Variants in TDRD3 observed in about 807,000 individuals in gnomAD.
The protein encoded by TDRD3 is tudor domain containing 3.
Under a neutral mutation model 86.7 loss-of-function variants are expected in TDRD3, and 45 were observed. The observed-to-expected ratio is 0.52, with a 90% CI of 0.41 to 0.67. The LOEUF is 0.67. Among genes scored for constraint, TDRD3 ranks in the 30% least tolerant of loss-of-function variants. The pLI is 0.00. For synonymous variants in TDRD3, 298 were observed against 301.7 expected, an observed-to-expected ratio of 0.99 and a Z score of 0.13; for missense variants, 814 against 889.0, an observed-to-expected ratio of 0.92 and a Z score of 1.07.
intron 5 of TDRD3, among the ~76,000 whole-genome samples, chr13:60,472,340 T>C (rs1956090451): frequency 6.6e-6 from 1 of 152,190 alleles, no homozygotes; most frequent in East Asian, 1.9e-4. Context: ...TAACGTAAAA[T>C]TTACCATCTT....
intron 12 of TDRD3, chr13:60,537,429 T>C (rs1957722033): frequency 2.0e-5 from 3 of 152,066 alleles, no homozygotes; most frequent in African/African-American, 7.2e-5. Flanking sequence ...TGAAGAAATA[T>C]AGTCTGTGTT....
intron 1 of TDRD3, among the ~76,000 whole-genome samples, chr13:60,414,473 G>C (rs142892490): frequency 6.6e-6 from 1 of 152,168 alleles, no homozygotes; most frequent in African/African-American, 2.4e-5. Context: ...GGAAAAGTTA[G>C]CCAATCTCTG....
In TDRD3 at chr13:60,528,714, A is replaced by T. The variant is rs563004285; in HGVS notation, c.1489A>T (p.Lys497Ter). The T allele has an allele frequency of 6.2e-7, 1 of 1,611,574 alleles. No individual in the cohort carries two copies. The highest frequency in any genetic ancestry group is 1.3e-5 in the African/African-American group (1 of 74,838). Residue 497 changes from lysine (K) to a stop codon, truncating the protein, a stop_gained, in exon 11 of 14, where the codon AAA (lysine) becomes TAA (stop). Transcript: ENST00000377881. LOFTEE classifies it high-confidence loss of function. ...LGSQHSDGAFKKRDNSMQSRS... is the reference protein window; with the variant it reads ...LGSQHSDGAF The stretch of plus-strand genomic sequence containing the variant: ...TTCTCAGCATAGTGATGGTGCTTTT[A>T]AAAAAAGAGATAACTCTATGCAAAG...
At chr13:60,504,805 G>A (rs1956900953) in intron 8 of TDRD3, among the ~76,000 whole-genome samples, 1 of 152,158 alleles carries the variant, frequency 6.6e-6, no homozygotes, top group Non-Finnish European at 1.5e-5. Flanking sequence ...GAAGCAGAGT[G>A]GGGCGTTGCC....
At chr13:60,397,162 C>T (rs1014531545), upstream of TDRD3, 1 of 408,280 alleles carries the variant, frequency 2.4e-6, no homozygotes, top group African/African-American at 2.1e-5. Flanking sequence ...CCAGGCCGGC[C>T]CCTACGGCCG....
chr13:60,488,096 G>A (rs994615831), intron 7 of TDRD3, among the ~76,000 whole-genome samples: 3 of 152,114 alleles, frequency 2.0e-5, no homozygotes, highest in Non-Finnish European at 2.9e-5. Context: ...AATGAGTGTT[G>A]CCAGGAAAGA....
At chr13:60,449,040 T>C (rs1053519544) in intron 3 of TDRD3, among the ~76,000 whole-genome samples, 1 of 152,064 alleles carries the variant, frequency 6.6e-6, no homozygotes, top group Non-Finnish European at 1.5e-5. Context: ...TAAGACCTAA[T>C]TTTCCCAAGT....
At chr13:60,573,585 A>G (rs1958636216) in intron 13 of TDRD3, 31 bp from the exon 14 acceptor site, 2 of 984,980 alleles carry the variant, frequency 2.0e-6, no homozygotes, top group South Asian at 4.7e-5. Context: ...TGAGGCTTCA[A>G]TTTCATTTTC....
intron 1 of TDRD3, among the ~76,000 whole-genome samples, chr13:60,418,068 C>G (rs2137856656): frequency 6.6e-6 from 1 of 152,198 alleles, no homozygotes; most frequent in Non-Finnish European, 1.5e-5. Flanking sequence ...ATCTTTAGAT[C>G]TTTTGTCACC....
chr13:60,571,583 G>A (rs1299214228), intron 13 of TDRD3, among the ~76,000 whole-genome samples: 2 of 152,122 alleles, frequency 1.3e-5, no homozygotes, highest in Non-Finnish European at 2.9e-5. Flanking sequence ...TTTATGTTTT[G>A]AGTACTTCAC....
chr13:60,416,337 A>G (rs139730942), intron 1 of TDRD3, among the ~76,000 whole-genome samples: 47 of 152,242 alleles, frequency 3.1e-4, no homozygotes, highest in African/African-American at 1.1e-3. Context: ...AACAGTGATT[A>G]TTGAAAGATG....
intron 1 of TDRD3, among the ~76,000 whole-genome samples, chr13:60,415,944 CTGGT>C (rs1398119813): frequency 6.6e-6 from 1 of 152,172 alleles, no homozygotes; most frequent in Non-Finnish European, 1.5e-5. Context: ...AGGGAGAACT[CTGGT>C]TGGCCGTCAG....
chr13:60,444,755 A>G lies in TDRD3; in HGVS notation c.192+7A>G. 2 of 1,423,698 alleles carry G rather than the reference A, an allele frequency of 1.4e-6. No individual in the cohort carries two copies. The highest frequency in any genetic ancestry group is 1.4e-5 in the South Asian group (1 of 69,980). 88.2% of individuals were successfully genotyped at this position (1,423,698 alleles called of 1,614,324 possible). On this transcript the variant is annotated splice_region_variant and intron_variant, in intron 3 of 13. Coordinates refer to ENST00000377881, the MANE Select transcript of TDRD3 (RefSeq NM_001146070.2). ...TAGTGGAAAGGTAGAAAAGGTAAAG[A>G]AAATCAATAACTTCTTACATTAATT...
chr13:60,482,046 A>G (rs1190645278), intron 5 of TDRD3, among the ~76,000 whole-genome samples: 1 of 152,136 alleles, frequency 6.6e-6, no homozygotes, highest in Non-Finnish European at 1.5e-5. Context: ...GCATGGTCTG[A>G]TCTGGCTGGA....
At chr13:60,558,645 T>G (rs1958257798) in intron 12 of TDRD3, among the ~76,000 whole-genome samples, 1 of 152,204 alleles carries the variant, frequency 6.6e-6, no homozygotes, top group African/African-American at 2.4e-5. Context: ...GTTAATTTAT[T>G]TTTTGCTTTA....
chr13:60,512,127 C>T (rs919679675), intron 10 of TDRD3, among the ~76,000 whole-genome samples: 1 of 152,104 alleles, frequency 6.6e-6, no homozygotes, highest in Non-Finnish European at 1.5e-5. Context: ...CTGGGGAAGC[C>T]TCACAATCAC....
chr13:60,449,569 C>T (rs1365438793), intron 3 of TDRD3, among the ~76,000 whole-genome samples: 2 of 152,032 alleles, frequency 1.3e-5, no homozygotes, highest in Non-Finnish European at 2.9e-5. Flanking sequence ...GCTATAATTA[C>T]TTTGTGATTG....
chr13:60,448,258 T>C (rs891033445), intron 3 of TDRD3, among the ~76,000 whole-genome samples: 15 of 152,122 alleles, frequency 9.9e-5, no homozygotes, highest in African/African-American at 2.9e-4. Flanking sequence ...CCTGGACATA[T>C]TGAATTTACA....
chr13:60,402,201 G>T (rs995722769), intron 1 of TDRD3, among the ~76,000 whole-genome samples: 2 of 152,190 alleles, frequency 1.3e-5, no homozygotes, highest in African/African-American at 4.8e-5. Context: ...CCAGCCTGCA[G>T]CCACTGCTGT....
Sources: allele counts gnomAD v4.1 joint callset (sites outside exome capture counted in the v4.1 genomes callset), GRCh38; gene constraint gnomAD v4.1.1; transcripts MANE v1.5; gene names NCBI Gene and HGNC (gene_info 2026-07-23, HGNC 2026-07-21).